The following PLCL1 variants were observed in gnomAD, a reference collection of about 807,000 sequenced individuals.
PLCL1 encodes phospholipase C like 1 (inactive), also known as inactive phospholipase C-like protein 1.
PLCL1 carries 41 observed loss-of-function variants against 84.4 expected under a neutral mutation model. The observed-to-expected ratio is 0.49, with a 90% CI of 0.38 to 0.63. The LOEUF (loss-of-function observed/expected upper bound fraction) is 0.63. Among genes scored for constraint, PLCL1 ranks in the 30% least tolerant of loss-of-function variants. The pLI is 0.00. For missense variants in PLCL1, 1,206 were observed against 1,367.8 expected, an observed-to-expected ratio of 0.88 and a Z score of 1.87; for synonymous variants, 490 against 488.3, an observed-to-expected ratio of 1.00 and a Z score of -0.05.
At chr2:198,029,680 T>TCTCTC (rs368317729) in intron 1 of PLCL1, among the ~76,000 whole-genome samples, 27,510 of 147,534 alleles carry the variant, frequency 0.19, 2,636 homozygotes, top group East Asian at 0.24. Context: ...CTTCTTCTCT[T>TCTCTC]CTCTTCTCTC....
At chr2:198,041,046 A>C (rs181350467) in intron 1 of PLCL1, among the ~76,000 whole-genome samples, 4 of 151,958 alleles carry the variant, frequency 2.6e-5, no homozygotes, top group Non-Finnish European at 4.4e-5. Flanking sequence ...TTCTTAGTAC[A>C]CTCCCAAAGC....
At chr2:197,984,799 A>C (rs957483832) in intron 1 of PLCL1, among the ~76,000 whole-genome samples, 2 of 152,248 alleles carry the variant, frequency 1.3e-5, no homozygotes, top group African/African-American at 4.8e-5. Flanking sequence ...TGGCTTCTAC[A>C]AAAGAGCTTG....
intron 1 of PLCL1, among the ~76,000 whole-genome samples, chr2:197,948,652 TTGAA>T (rs1363090647): frequency 6.6e-6 from 1 of 152,154 alleles, no homozygotes; most frequent in Non-Finnish European, 1.5e-5. Context: ...TGTATAGTTG[TTGAA>T]TGAATGAATG....
intron 1 of PLCL1, among the ~76,000 whole-genome samples, chr2:197,885,897 G>C (rs1421941744): frequency 1.3e-5 from 2 of 152,266 alleles, no homozygotes; most frequent in Non-Finnish European, 2.9e-5. Flanking sequence ...CCTCTTTAGA[G>C]GGCACTTGTA....
chr2:197,915,750 GTGA>G (rs1399537931), intron 1 of PLCL1, among the ~76,000 whole-genome samples: 1 of 152,112 alleles, frequency 6.6e-6, no homozygotes, highest in Admixed American at 6.5e-5. Context: ...GTGTGATAAG[GTGA>G]TGATTTCCCT....
At chr2:197,994,351 C>T (rs564711691) in intron 1 of PLCL1, among the ~76,000 whole-genome samples, 23 of 152,276 alleles carry the variant, frequency 1.5e-4, no homozygotes, top group Non-Finnish European at 1.6e-4. Flanking sequence ...GAAACTGGGG[C>T]TGAATTGGTT....
chr2:197,987,224 C>T (rs1471645402), intron 1 of PLCL1, among the ~76,000 whole-genome samples: 1 of 152,198 alleles, frequency 6.6e-6, no homozygotes, highest in African/African-American at 2.4e-5. Context: ...ATCTGGCCTG[C>T]AGATGTGTTT....
chr2:198,007,430 G>T (rs76410304), intron 1 of PLCL1, among the ~76,000 whole-genome samples: 3,462 of 152,048 alleles, frequency 0.023, 129 homozygotes, highest in African/African-American at 0.079. Context: ...ATACAGAATA[G>T]CTGGAATTAT....
intron 5 of PLCL1, among the ~76,000 whole-genome samples, chr2:198,105,490 C>T (rs904630184): frequency 6.6e-6 from 1 of 151,750 alleles, no homozygotes; most frequent in Admixed American, 6.6e-5. Flanking sequence ...TAGGTTCATA[C>T]TCTAGGAGAT....
intron 1 of PLCL1, among the ~76,000 whole-genome samples, chr2:197,877,492 T>G (rs1394484915): frequency 6.6e-6 from 1 of 152,140 alleles, no homozygotes; most frequent in Non-Finnish European, 1.5e-5. Flanking sequence ...GTGTGCCACT[T>G]TTCCGCATCA....
At position 197,826,824 on chromosome 2, in the gene PLCL1, A is replaced by G. The variant is rs1690939550; in HGVS notation, c.240+21485A>G. On this transcript the variant is annotated intron_variant, in intron 1 of 5. Transcript: ENST00000428675. ...TTAAAAATGTTTATTGAATGAGTGA[A>G]TATACCTAGGCCTGGATATCTGTTT... 3.3e-5 allele frequency among the ~76,000 whole-genome samples: 5 copies of G among 152,290 alleles called. 1 individual carries two copies. In the South Asian group the frequency reaches 1.0e-3, roughly 32 times the overall value.
Position 198,057,306 on chromosome 2 carries a change from A to G in PLCL1, c.241-26452A>G, listed in dbSNP as rs1376610808. On this transcript the variant is annotated intron_variant, in intron 1 of 5. Transcript: ENST00000428675. The stretch of plus-strand genomic sequence containing the variant: ...CTAGGCTCTTGATGGTGCTGGGTTG[A>G]AGGACAGGAGGAGCTGGTGAGGATG... Among the ~76,000 whole-genome samples the G allele has an allele frequency of 2.0e-5, 3 of 152,120 alleles. No individual in the cohort carries two copies. The East Asian group carries it at 5.8e-4, about 29-fold the overall frequency.
intron 1 of PLCL1, among the ~76,000 whole-genome samples, chr2:198,015,481 T>C (rs774980828): frequency 6.6e-5 from 10 of 152,140 alleles, no homozygotes; most frequent in Admixed American, 3.9e-4. Flanking sequence ...TTATAATAAG[T>C]CTTGTTGGTT....
At chr2:197,917,914 C>T (rs1688626588) in intron 1 of PLCL1, among the ~76,000 whole-genome samples, 1 of 152,020 alleles carries the variant, frequency 6.6e-6, no homozygotes, top group African/African-American at 2.4e-5. Flanking sequence ...GTTTGAGCAA[C>T]AACATAAAGT....
chr2:197,869,684 C>T (rs964183347), intron 1 of PLCL1, among the ~76,000 whole-genome samples: 2 of 152,110 alleles, frequency 1.3e-5, no homozygotes, highest in Non-Finnish European at 2.9e-5. Flanking sequence ...ATCACTGGTG[C>T]AGAGAGCAAA....
At chr2:198,016,602 C>A (rs1015852825) in intron 1 of PLCL1, among the ~76,000 whole-genome samples, 3 of 152,140 alleles carry the variant, frequency 2.0e-5, no homozygotes, top group Admixed American at 6.5e-5. Flanking sequence ...TTCCTCGACT[C>A]TAAAATGGGG....
chr2:198,002,616 C>T lies in PLCL1; in HGVS notation c.241-81142C>T, dbSNP rs553982966. On this transcript the variant is annotated intron_variant, in intron 1 of 5. Coordinates refer to ENST00000428675, the MANE Select transcript of PLCL1 (RefSeq NM_006226.4). ...TACAGCCTCATTTCCAGTAACTTAG[C>T]TTGTGGGGAAGAAGGGTGTTATTGT... Among the ~76,000 whole-genome samples, 15 of 152,218 alleles carry T rather than the reference C, an allele frequency of 9.9e-5. No homozygotes were observed. In the East Asian group the frequency reaches 1.5e-3, roughly 16 times the overall value.
chr2:197,918,818 T>C (rs1688646142), intron 1 of PLCL1, among the ~76,000 whole-genome samples: 1 of 152,004 alleles, frequency 6.6e-6, no homozygotes, highest in African/African-American at 2.4e-5. Context: ...CATGCACCTG[T>C]AGTCCCAGCT....
chr2:198,127,467 G>T (rs113509424), intron 5 of PLCL1, among the ~76,000 whole-genome samples: 1 of 151,880 alleles, frequency 6.6e-6, no homozygotes, highest in Admixed American at 6.6e-5. Flanking sequence ...ATAGTTTTAC[G>T]TTACCATTTT....
Sources: allele counts gnomAD v4.1 joint callset (sites outside exome capture counted in the v4.1 genomes callset), GRCh38; gene constraint gnomAD v4.1.1; transcripts MANE v1.5; gene names NCBI Gene and HGNC (gene_info 2026-07-23, HGNC 2026-07-21).